The following ELMO1 variants were observed in gnomAD, a reference collection of about 807,000 sequenced individuals.
ELMO1 encodes engulfment and cell motility protein 1.
In ELMO1, 26 loss-of-function variants were observed where a neutral mutation model predicts 98.9. That is an observed-to-expected ratio of 0.26 (90% CI 0.19 to 0.36). ELMO1 has a LOEUF of 0.36. Among genes scored for constraint, ELMO1 ranks in the 10% least tolerant of loss-of-function variants. The pLI, the probability that ELMO1 is intolerant of heterozygous loss-of-function variation, is 1.00. For synonymous variants in ELMO1, 346 were observed against 346.0 expected, an observed-to-expected ratio of 1.00 and a Z score of 0.00; for missense variants, 627 against 935.2, an observed-to-expected ratio of 0.67 and a Z score of 4.30.
chr7:37,337,666 G>A (rs947712924), intron 2 of ELMO1, among the ~76,000 whole-genome samples: 4 of 152,158 alleles, frequency 2.6e-5, no homozygotes, highest in African/African-American at 9.7e-5. Flanking sequence ...GGAGATAAAG[G>A]CATCAGGTAG....
At chr7:37,396,361 C>T (rs79581349) in intron 1 of ELMO1, among the ~76,000 whole-genome samples, 2,454 of 151,798 alleles carry the variant, frequency 0.016, 76 homozygotes, top group African/African-American at 0.057. Context: ...GACCCCTGGG[C>T]AACATAGCGA....
chr7:37,350,927 T>C (rs1271551358), intron 1 of ELMO1, among the ~76,000 whole-genome samples: 1 of 152,170 alleles, frequency 6.6e-6, no homozygotes, highest in Non-Finnish European at 1.5e-5. Flanking sequence ...GAACCAACAC[T>C]GATAACACCT....
chr7:37,137,136 A>G (rs1344391721), intron 13 of ELMO1, among the ~76,000 whole-genome samples: 5 of 152,226 alleles, frequency 3.3e-5, no homozygotes, highest in Non-Finnish European at 5.9e-5. Context: ...TATATCAGAC[A>G]AAACTAACTT....
intron 16 of ELMO1, among the ~76,000 whole-genome samples, chr7:36,991,514 G>A (rs948889258): frequency 8.5e-5 from 13 of 152,126 alleles, no homozygotes; most frequent in African/African-American, 2.9e-4. Flanking sequence ...CATTTTACAT[G>A]GTGCATTTTT....
At chr7:37,250,953 A>G (rs747102057) in intron 6 of ELMO1, among the ~76,000 whole-genome samples, 3 of 152,158 alleles carry the variant, frequency 2.0e-5, no homozygotes, top group Non-Finnish European at 4.4e-5. Flanking sequence ...GAAGGAAACT[A>G]TAAGTACCCT....
chr7:37,258,659 T>C (rs1029469690), intron 6 of ELMO1, among the ~76,000 whole-genome samples: 1 of 152,230 alleles, frequency 6.6e-6, no homozygotes, highest in Non-Finnish European at 1.5e-5. Context: ...AAGTAATTAA[T>C]GACAAGTATT....
At chr7:36,986,567 G>C (rs1468752380) in intron 16 of ELMO1, 1 of 152,182 alleles carries the variant, frequency 6.6e-6, no homozygotes, top group Non-Finnish European at 1.5e-5. Context: ...TACCGATTCT[G>C]TTGCCATAGA....
chr7:37,092,366 C>CTT lies in ELMO1; in HGVS notation c.1300+4251_1300+4252dup, dbSNP rs537388417. Reference sequence around the variant, plus strand: ...ACTTGCAAAAAAAATTACCCATATTCTTTTTTTTTTTTTTTTTTTTTTTTT... The same window carrying CTT: ...ACTTGCAAAAAAAATTACCCATATTCTTTTTTTTTTTTTTTTTTTTTTTTTTT... On this transcript the variant is annotated intron_variant, in intron 15 of 21. Transcript: ENST00000310758. Among the ~76,000 whole-genome samples, 287 of 68,906 alleles carry CTT rather than the reference C, an allele frequency of 4.2e-3. 39 individuals carry two copies. Among genetic ancestry groups the CTT allele is most frequent in the East Asian group, 6.1e-3 (12 of 1,956 alleles). 45.2% of individuals were successfully genotyped at this position (68,906 alleles called of 152,430 possible).
At chr7:37,011,809 C>T (rs1793579977) in intron 16 of ELMO1, among the ~76,000 whole-genome samples, 1 of 152,194 alleles carries the variant, frequency 6.6e-6, no homozygotes, top group Non-Finnish European at 1.5e-5. Context: ...ATTTAATTCT[C>T]TTTTTTGGTT....
At chr7:37,182,720 A>G (rs1310001813) in intron 13 of ELMO1, among the ~76,000 whole-genome samples, 1 of 152,140 alleles carries the variant, frequency 6.6e-6, no homozygotes, top group Non-Finnish European at 1.5e-5. Flanking sequence ...TGGGAATGAT[A>G]CAATTATCAC....
intron 13 of ELMO1, among the ~76,000 whole-genome samples, chr7:37,163,069 T>C (rs1056198134): frequency 3.9e-5 from 6 of 152,224 alleles, no homozygotes; most frequent in African/African-American, 9.6e-5. Context: ...TCTTAACCCA[T>C]TGGCTATAAT....
intron 15 of ELMO1, among the ~76,000 whole-genome samples, chr7:37,052,848 C>A (rs771933567): frequency 6.6e-6 from 1 of 152,142 alleles, no homozygotes; most frequent in Non-Finnish European, 1.5e-5. Context: ...GCCCAGCCTC[C>A]GTTCAGCACC....
At chr7:36,948,173 A>G (rs554786698) in intron 16 of ELMO1, among the ~76,000 whole-genome samples, 1 of 152,326 alleles carries the variant, frequency 6.6e-6, no homozygotes, top group African/African-American at 2.4e-5. Context: ...AGAGAAGTTT[A>G]TAAGTACTTA....
chr7:37,072,899 G>A (rs752318364), intron 15 of ELMO1, among the ~76,000 whole-genome samples: 1 of 152,172 alleles, frequency 6.6e-6, no homozygotes, highest in Non-Finnish European at 1.5e-5. Flanking sequence ...ACAATACCTT[G>A]AACTCTCAAG....
At chr7:37,050,659 C>CACAA (rs767009287) in intron 15 of ELMO1, among the ~76,000 whole-genome samples, 1,565 of 142,668 alleles carry the variant, frequency 0.011, 24 homozygotes, top group Non-Finnish European at 0.015. Context: ...CACACACACA[C>CACAA]AAAAGGTAAC....
chr7:36,999,118 G>A (rs561276619), intron 16 of ELMO1, among the ~76,000 whole-genome samples: 1 of 152,250 alleles, frequency 6.6e-6, no homozygotes, highest in Admixed American at 6.5e-5. Context: ...CATTGTCTAG[G>A]AGGGAGGGTG....
chr7:37,246,816 C>T (rs186085214), intron 6 of ELMO1, among the ~76,000 whole-genome samples: 1 of 146,324 alleles, frequency 6.8e-6, no homozygotes, highest in Non-Finnish European at 1.5e-5. Flanking sequence ...AGATAGATAT[C>T]TATCTATATA....
chr7:37,417,320 C>G (rs1804261009), intron 1 of ELMO1, among the ~76,000 whole-genome samples: 1 of 152,060 alleles, frequency 6.6e-6, no homozygotes, highest in South Asian at 2.1e-4. Context: ...AGGTGCTAAC[C>G]CACTAGGACT....
chr7:36,945,172 G>A (rs1299908497), intron 16 of ELMO1, among the ~76,000 whole-genome samples: 1 of 152,146 alleles, frequency 6.6e-6, no homozygotes, highest in Non-Finnish European at 1.5e-5. Context: ...AATTATGATT[G>A]TTTAATTGCA....
Sources: gnomAD v4.1 joint callset for allele counts (sites outside exome capture counted in the v4.1 genomes callset) on GRCh38, gnomAD v4.1.1 for gene constraint, MANE v1.5 for transcripts, NCBI Gene and HGNC (gene_info 2026-07-23, HGNC 2026-07-21) for gene names.